The following GREB1 variants were observed in gnomAD, a reference collection of about 807,000 sequenced individuals.
GREB1 encodes the protein growth regulating estrogen receptor binding 1.
A neutral mutation model predicts 200.7 loss-of-function variants in GREB1; 106 were observed. The ratio of observed to expected loss-of-function variants is 0.53; its 90% CI spans 0.45 to 0.62. GREB1 has a LOEUF of 0.62. Among genes scored for constraint, GREB1 ranks in the 20% least tolerant of loss-of-function variants. GREB1 has a pLI of 0.00. For missense variants in GREB1, 2,243 were observed against 2,556.8 expected (o/e 0.88, Z 2.65); for synonymous variants, 1,132 against 1,092.4 (o/e 1.04, Z -0.72).
At chr2:11,637,970 C>T (rs2148457263) in intron 31 of GREB1, 54 bp downstream of exon 31, 3 of 1,449,396 alleles carry the variant, frequency 2.1e-6, no homozygotes, top group Non-Finnish European at 2.9e-6. Context: ...ATCTCTAGAA[C>T]CAATGGGCTG....
intron 1 of GREB1, among the ~76,000 whole-genome samples, chr2:11,541,382 C>T (rs997085173): frequency 3.3e-5 from 5 of 151,654 alleles, no homozygotes; most frequent in African/African-American, 4.8e-5. Flanking sequence ...GGTATCACAC[C>T]GCTTGAGGCT....
intron 2 of GREB1, among the ~76,000 whole-genome samples, chr2:11,562,207 C>G (rs1006091842): frequency 6.6e-6 from 1 of 152,178 alleles, no homozygotes; most frequent in African/African-American, 2.4e-5. Flanking sequence ...TCATCCAACC[C>G]GAGCAAGCCT....
intron 5 of GREB1, among the ~76,000 whole-genome samples, chr2:11,576,862 C>G (rs1678914160): frequency 6.6e-6 from 1 of 152,038 alleles, no homozygotes; most frequent in South Asian, 2.1e-4. Context: ...ACAGTGACAC[C>G]CTTCTCTACT....
chr2:11,635,189 C>T, intron 29 of GREB1, 81 bp from the exon 30 acceptor site: 1 of 1,553,648 alleles, frequency 6.4e-7, no homozygotes, highest in South Asian at 1.1e-5. Flanking sequence ...CGATGGGGAC[C>T]CACACTCTAG....
At chr2:11,564,772 A>T (rs1033742691) in intron 3 of GREB1, among the ~76,000 whole-genome samples, 1 of 152,138 alleles carries the variant, frequency 6.6e-6, no homozygotes, top group Non-Finnish European at 1.5e-5. Flanking sequence ...CCATTTTCAC[A>T]CTGCTGATAA....
rs759465594 is a variant in GREB1, at chr2:11,636,938, T to TATGGGCAGGGGCAGGGACAGAGG, written c.5347-778_5347-777insATGGGCAGGGGCAGGGACAGAGG. On this transcript the variant is annotated intron_variant, in intron 30 of 32. Transcript: ENST00000381486. ...GGCAGGGGCAGGGACAGAGGCAGGG[T>TATGGGCAGGGGCAGGGACAGAGG]CATGGGCAGGGACAGAGGCAGGGGC... 2.6e-4 allele frequency among the ~76,000 whole-genome samples: 7 copies of TATGGGCAGGGGCAGGGACAGAGG among 26,534 alleles called. 1 individual carries two copies. Among genetic ancestry groups the TATGGGCAGGGGCAGGGACAGAGG allele is most frequent in the African/African-American group, 5.4e-4 (4 of 7,430 alleles). 17.4% of individuals were successfully genotyped at this position (26,534 alleles called of 152,430 possible). A position where few individuals can be genotyped will look rare whatever the true frequency, so the allele number is the denominator to read the frequency against.
chr2:11,615,013 A>G lies in GREB1; in HGVS notation c.3123-78A>G, dbSNP rs980488263. The G allele has an allele frequency of 1.7e-5, 19 of 1,096,172 alleles. No individual in the cohort carries two copies. In the Admixed American group the frequency reaches 2.4e-4, roughly 14 times the overall value. 67.9% of individuals were successfully genotyped at this position (1,096,172 alleles called of 1,614,324 possible). A position where few individuals can be genotyped will look rare whatever the true frequency, so the allele number is the denominator to read the frequency against. On this transcript the variant is annotated intron_variant, in intron 19 of 32. Transcript: ENST00000381486. ...AGGAAGGTGGGGTGTGGTCCCGATC[A>G]GTGCTGCCTGCCGCAGTGGGAACAG...
chr2:11,513,783 C>A (rs990386640), intron 1 of GREB1, among the ~76,000 whole-genome samples: 1 of 152,068 alleles, frequency 6.6e-6, no homozygotes, highest in Non-Finnish European at 1.5e-5. Flanking sequence ...TTCTTGGTAC[C>A]GATATTGCCA....
At chr2:11,592,205 A>G in intron 10 of GREB1, 2 of 264,506 alleles carry the variant, frequency 7.6e-6, no homozygotes, top group East Asian at 1.6e-4. Flanking sequence ...TTTTTTTTTA[A>G]CAACAGCAGT....
In GREB1 at chr2:11,492,855, G is replaced by A. The variant is rs951567489; in HGVS notation, c.-159+10474G>A. On this transcript the variant is annotated intron_variant, in intron 1 of 2. Transcript: ENST00000628795. This position sits in a 1 kb window ranked among gnomAD's most constrained non-coding sequence, Gnocchi z 4.0. ...GCCAGGCAGTACCCACAGAGGGTGT[G>A]CCCTAGGAAAATGGCTCCTTATCTG... Among the ~76,000 whole-genome samples the A allele has an allele frequency of 2.0e-5, 3 of 152,190 alleles. No individual in the cohort carries two copies. The highest frequency in any genetic ancestry group is 7.2e-5 in the African/African-American group (3 of 41,450).
chr2:11,615,227 T>C lies in GREB1; in HGVS notation c.3259T>C (p.Leu1087=), dbSNP rs1366803363. Residue 1087 remains leucine, a synonymous_variant, in exon 20 of 33, where the codon TTG becomes CTG. Coordinates refer to ENST00000381486, the MANE Select transcript of GREB1 (RefSeq NM_014668.4). ...PLEKGARNEA[L]ESDAEKLSST... ...GGAGAAGGGGGCTAGGAACGAGGCC[T>C]TGGAGAGTGATGCTGAGAAGCTGAG... is the stretch of plus-strand genomic sequence containing the variant. 3 of 1,613,078 alleles carry C rather than the reference T, an allele frequency of 1.9e-6. No homozygotes were observed. The highest frequency in any genetic ancestry group is 1.1e-5 in the South Asian group (1 of 90,850).
intron 1 of GREB1, among the ~76,000 whole-genome samples, chr2:11,553,717 C>T (rs931577889): frequency 1.3e-5 from 2 of 152,116 alleles, no homozygotes; most frequent in African/African-American, 4.8e-5. Context: ...CACGCAGTGG[C>T]TGGACAGTGG....
intron 1 of GREB1, among the ~76,000 whole-genome samples, chr2:11,497,673 T>G (rs1672923354): frequency 6.6e-6 from 1 of 152,204 alleles, no homozygotes; most frequent in Admixed American, 6.5e-5. Flanking sequence ...TTATGATAGA[T>G]GCATAGTGAT....
In GREB1 at chr2:11,633,270, A is replaced by C. The variant is rs1297020975; in HGVS notation, c.4991+207A>C. On this transcript the variant is annotated intron_variant, in intron 28 of 32. Coordinates refer to ENST00000381486, the MANE Select transcript of GREB1 (RefSeq NM_014668.4). The surrounding 1 kb of genome is among the most constrained non-coding windows in gnomAD (Gnocchi z 4.1). Reference sequence around the variant, plus strand: ...GCCTGGCTTGCTTTTAATTTTAAAAAATTGTTATTGGGCCGGGCGCGGTGG... The same window carrying C: ...GCCTGGCTTGCTTTTAATTTTAAAACATTGTTATTGGGCCGGGCGCGGTGG... Among the ~76,000 whole-genome samples, 1 of 152,120 alleles carries C rather than the reference A, an allele frequency of 6.6e-6. No individual in the cohort carries two copies. Among genetic ancestry groups the C allele is most frequent in the Non-Finnish European group, 1.5e-5 (1 of 68,024 alleles).
intron 17 of GREB1, among the ~76,000 whole-genome samples, chr2:11,610,003 T>TC (rs1437985040): frequency 1.3e-5 from 2 of 152,196 alleles, no homozygotes; most frequent in Non-Finnish European, 2.9e-5. Flanking sequence ...GGCTTTTCCA[T>TC]TGGTGCCCTG....
intron 1 of GREB1, among the ~76,000 whole-genome samples, chr2:11,522,825 A>G (rs1673747273): frequency 6.6e-6 from 1 of 152,222 alleles, no homozygotes. Context: ...GCAGGCTTGA[A>G]ACAAAGGTTT....
Position 11,571,034 on chromosome 2 carries a change from T to C in GREB1, c.454+4378T>C, listed in dbSNP as rs60064382. On this transcript the variant is annotated intron_variant, in intron 4 of 32. Coordinates refer to ENST00000381486, the MANE Select transcript of GREB1 (RefSeq NM_014668.4). ...TTGGCCAAAATACCAAGGCAGGGGCTCTGGATATATATATATATAAAACGT... is the reference window on the plus strand; with the variant it reads ...TTGGCCAAAATACCAAGGCAGGGGCCCTGGATATATATATATATAAAACGT... 3.3e-5 allele frequency among the ~76,000 whole-genome samples: 5 copies of C among 150,896 alleles called. No homozygotes were observed. The East Asian group carries it at 9.7e-4, about 29-fold the overall frequency.
chr2:11,574,930 C>T (rs1230967152), intron 4 of GREB1, among the ~76,000 whole-genome samples: 1 of 152,230 alleles, frequency 6.6e-6, no homozygotes, highest in Non-Finnish European at 1.5e-5. Flanking sequence ...TGTAACTGTC[C>T]TATGGCGAGG....
chr2:11,592,816 C>G lies in GREB1; in HGVS notation c.1386C>G (p.Ile462Met), dbSNP rs772667305. 1.3e-6 allele frequency: 2 copies of G among 1,574,544 alleles called. No individual in the cohort carries two copies. The highest frequency in any genetic ancestry group is 4.6e-5 in the East Asian group (2 of 43,256). Residue 462 changes from isoleucine (I) to methionine (M), a missense_variant, in exon 11 of 33, where the codon ATC (isoleucine) becomes ATG (methionine). Ile to Met is a conservative substitution (Grantham distance 10). Coordinates refer to ENST00000381486, the MANE Select transcript of GREB1 (RefSeq NM_014668.4). The stretch of plus-strand genomic sequence containing the variant: ...CCTTGATGGAGGACCTGGAGCAGAT[C>G]TTCCTGCGCTCTTGGCGCGAGTCGC... ...QVPLMEDLEQIFLRSWRESHL... is the reference protein window; with the variant it reads ...QVPLMEDLEQMFLRSWRESHL...
Sources: gnomAD v4.1 joint callset for allele counts (sites outside exome capture counted in the v4.1 genomes callset) on GRCh38, gnomAD v4.1.1 for gene constraint, Gnocchi (gnomAD v3.1) non-coding constraint, MANE v1.5 for transcripts, NCBI Gene and HGNC (gene_info 2026-07-23, HGNC 2026-07-21) for gene names.